The following PCSK5 variants were observed in gnomAD, a reference collection of about 807,000 sequenced individuals.
PCSK5 encodes the protein proprotein convertase subtilisin/kexin type 5.
Under a neutral mutation model 233.2 loss-of-function variants are expected in PCSK5, and 129 were observed. That is an observed-to-expected ratio of 0.55 (90% confidence interval 0.48 to 0.64). The LOEUF is 0.64. Ranked by LOEUF, PCSK5 falls within the 30% of genes least tolerant of loss-of-function variation. The pLI, the probability that PCSK5 is intolerant of heterozygous loss-of-function variation, is 0.00. For missense variants in PCSK5, 2,076 were observed against 2,430.1 expected (o/e 0.85, Z 3.06); for synonymous variants, 825 against 879.2 (o/e 0.94, Z 1.09).
At chr9:76,196,133 A>C (rs940968480) in intron 20 of PCSK5, among the ~76,000 whole-genome samples, 11 of 152,316 alleles carry the variant, frequency 7.2e-5, no homozygotes, top group Middle Eastern at 6.8e-3. Flanking sequence ...TTAGAAAGCA[A>C]GGCTGTGAAA....
chr9:75,923,355 G>A (rs182937072), intron 1 of PCSK5, among the ~76,000 whole-genome samples: 1 of 152,156 alleles, frequency 6.6e-6, no homozygotes, highest in East Asian at 1.9e-4. Flanking sequence ...CAATTACACA[G>A]TGGCTTTGAA....
chr9:75,935,223 A>G (rs760154208), intron 2 of PCSK5, among the ~76,000 whole-genome samples: 4 of 151,926 alleles, frequency 2.6e-5, no homozygotes, highest in Non-Finnish European at 5.9e-5. Context: ...GCATGCCACC[A>G]CGCCCAGCTA....
At chr9:76,087,397 T>C (rs981201243) in intron 7 of PCSK5, among the ~76,000 whole-genome samples, 2 of 152,242 alleles carry the variant, frequency 1.3e-5, no homozygotes, top group East Asian at 1.9e-4. Flanking sequence ...GCAGCACTGA[T>C]TCATTGTCCT....
chr9:76,273,533 G>A (rs1157994162), intron 24 of PCSK5, among the ~76,000 whole-genome samples: 1 of 144,256 alleles, frequency 6.9e-6, no homozygotes, highest in Non-Finnish European at 1.5e-5. Flanking sequence ...ATTTCACTGT[G>A]ATGAGTCTTC....
chr9:76,191,950 G>A (rs952787743), intron 20 of PCSK5, among the ~76,000 whole-genome samples: 23 of 38,036 alleles, frequency 6.0e-4, no homozygotes, highest in African/African-American at 4.3e-3. Flanking sequence ...ATGGTAGCAC[G>A]TACCTGTAAT....
intron 10 of PCSK5, among the ~76,000 whole-genome samples, chr9:76,148,759 C>G (rs1823553448): frequency 6.6e-6 from 1 of 152,214 alleles, no homozygotes; most frequent in Non-Finnish European, 1.5e-5. Context: ...GGTTTATGAT[C>G]TCACATGCCT....
chr9:75,920,821 A>G (rs939913402), intron 1 of PCSK5, among the ~76,000 whole-genome samples: 11 of 152,164 alleles, frequency 7.2e-5, no homozygotes, highest in African/African-American at 2.4e-4. Context: ...AAATTAAAAA[A>G]TAAAATAAAA....
chr9:76,239,263 T>C, intron 23 of PCSK5, 98 bp downstream of exon 23: 3 of 966,980 alleles, frequency 3.1e-6, no homozygotes, highest in South Asian at 1.5e-5. Context: ...CTGGCTTGCA[T>C]GTCAGCACTT....
At chr9:75,906,964 A>G (rs1169985945) in intron 1 of PCSK5, among the ~76,000 whole-genome samples, 2 of 152,166 alleles carry the variant, frequency 1.3e-5, no homozygotes, top group African/African-American at 4.8e-5. Context: ...CTCTTCTGGA[A>G]ATTTTATCTC....
intron 9 of PCSK5, among the ~76,000 whole-genome samples, chr9:76,130,268 G>C (rs959646099): frequency 1.1e-4 from 16 of 152,108 alleles, no homozygotes; most frequent in Non-Finnish European, 2.1e-4. Flanking sequence ...TGTGTACAAA[G>C]TGTGTGTAAC....
chr9:75,976,059 A>C (rs1177929723), intron 2 of PCSK5, among the ~76,000 whole-genome samples: 1 of 152,166 alleles, frequency 6.6e-6, no homozygotes, highest in Non-Finnish European at 1.5e-5. Flanking sequence ...TTTCCTTTTA[A>C]TACATGAGCA....
intron 5 of PCSK5, among the ~76,000 whole-genome samples, chr9:76,053,694 A>G (rs1009088659): frequency 1.3e-5 from 2 of 152,146 alleles, no homozygotes; most frequent in Non-Finnish European, 2.9e-5. Context: ...GCTGAACTTT[A>G]TTGTTCATAT....
chr9:76,129,219 T>G (rs1822655412), intron 9 of PCSK5, among the ~76,000 whole-genome samples: 1 of 151,900 alleles, frequency 6.6e-6, no homozygotes, highest in African/African-American at 2.4e-5. Flanking sequence ...ATTAATTTTC[T>G]GACTGCTTGT....
At chr9:76,197,564 A>G (rs1250364709) in intron 20 of PCSK5, among the ~76,000 whole-genome samples, 1 of 152,242 alleles carries the variant, frequency 6.6e-6, no homozygotes, top group Non-Finnish European at 1.5e-5. Context: ...CCGCTAAAAT[A>G]TAAAATAGAC....
chr9:76,054,507 C>G (rs1172681901), intron 5 of PCSK5, among the ~76,000 whole-genome samples: 3 of 152,116 alleles, frequency 2.0e-5, no homozygotes, highest in Non-Finnish European at 4.4e-5. Context: ...GGCAAAATAA[C>G]AGGTAAGAAA....
chr9:76,036,100 C>T (rs923928162), intron 5 of PCSK5, among the ~76,000 whole-genome samples: 1 of 151,898 alleles, frequency 6.6e-6, no homozygotes, highest in African/African-American at 2.4e-5. Context: ...TATTGGTTAC[C>T]CTGCTATTCA....
Position 75,891,169 on chromosome 9 carries a change from A to G in PCSK5, c.-13A>G, listed in dbSNP as rs372417760. The G allele has an allele frequency of 6.9e-6, 10 of 1,456,046 alleles. No individual in the cohort carries two copies. In the South Asian group the frequency reaches 7.8e-5, roughly 11 times the overall value. 90.2% of individuals were successfully genotyped at this position (1,456,046 alleles called of 1,614,324 possible). A position where few individuals can be genotyped will look rare whatever the true frequency, so the allele number is the denominator to read the frequency against. On this transcript the variant is annotated 5_prime_UTR_variant, in exon 1 of 38. Coordinates refer to ENST00000674117, the MANE Select transcript of PCSK5 (RefSeq NM_001372043.1). ...CCAGCCAGCGAGCGAGGGAGCAGCG[A>G]GGCGCCGGGACCATGGGCTGGGGGA...
chr9:76,075,231 A>AATAATAATC (rs1830605541), intron 7 of PCSK5, among the ~76,000 whole-genome samples: 1 of 151,732 alleles, frequency 6.6e-6, no homozygotes, highest in African/African-American at 2.4e-5. Flanking sequence ...ATAAAATAAT[A>AATAATAATC]ATAATAATAA....
Position 76,350,889 on chromosome 9 carries a change from C to T in PCSK5, c.5028C>T (p.Cys1676=), listed in dbSNP as rs534455393. The T allele has an allele frequency of 3.7e-6, 6 of 1,608,512 alleles. No homozygotes were observed. The South Asian group carries it at 5.5e-5, about 15-fold the overall frequency. The change falls in exon 36 of 38, where the codon TGC becomes TGT. Residue 1676 remains cysteine (C), a synonymous_variant. Transcript: ENST00000674117. ...VWSYHLMGGI[C]TSDCLVGEYR... is the part of the protein sequence containing the mutation. ...GTTACCACCTCATGGGAGGGATCTG[C>T]ACCTCGGACTGTCTTGTGGGGGAAT... is the stretch of plus-strand genomic sequence containing the variant.
Sources: gnomAD v4.1 joint callset for allele counts (sites outside exome capture counted in the v4.1 genomes callset) on GRCh38, gnomAD v4.1.1 for gene constraint, MANE v1.5 for transcripts, NCBI Gene and HGNC (gene_info 2026-07-23, HGNC 2026-07-21) for gene names.